Variants in PTGES3 observed in about 807,000 individuals in gnomAD.
PTGES3 encodes the protein prostaglandin E synthase 3.
In PTGES3, 5 loss-of-function variants were observed where a neutral mutation model predicts 29.9. That is an observed-to-expected ratio of 0.17 (90% CI 0.09 to 0.35). PTGES3 has a LOEUF of 0.35. PTGES3 is among the 10% of genes least tolerant of loss of function. PTGES3 has a pLI of 1.00. For synonymous variants in PTGES3, 49 were observed against 57.8 expected, an observed-to-expected ratio of 0.85 and a Z score of 0.69; for missense variants, 128 against 190.0, an observed-to-expected ratio of 0.67 and a Z score of 1.92.
intron 1 of PTGES3, among the ~76,000 whole-genome samples, chr12:56,676,828 C>T (rs1952272190): frequency 7.6e-6 from 1 of 131,670 alleles, no homozygotes; most frequent in Non-Finnish European, 1.5e-5. Flanking sequence ...GAGGCTGAAG[C>T]ACAAGAATCC....
chr12:56,683,627 G>A (rs926819908), intron 1 of PTGES3, among the ~76,000 whole-genome samples: 15 of 151,704 alleles, frequency 9.9e-5, no homozygotes, highest in Non-Finnish European at 1.9e-4. Context: ...TCCAGCCTGG[G>A]CGACAGAGCC....
rs57371154 is a variant in PTGES3 at position 56,673,789 on chromosome 12, CAAAAAAA to C, written c.3-731_3-725del. Among the ~76,000 whole-genome samples, 5 of 92,344 alleles carry C rather than the reference CAAAAAAA, an allele frequency of 5.4e-5. 1 individual carries two copies. The highest frequency in any genetic ancestry group is 1.6e-4 in the African/African-American group (4 of 24,510). 60.6% of individuals were successfully genotyped at this position (92,344 alleles called of 152,430 possible). A position where few individuals can be genotyped will look rare whatever the true frequency, so the allele number is the denominator to read the frequency against. On this transcript the variant is annotated intron_variant, in intron 1 of 7. Coordinates refer to ENST00000262033, the MANE Select transcript of PTGES3 (RefSeq NM_006601.7). ...GCCTGGCAACAGAGCGAGACTGTCT[CAAAAAAA>C]AAAAAAAAAAAAAAAAATTAGCTGG...
intron 5 of PTGES3, 69 bp downstream of exon 5, chr12:56,670,206 T>C (rs1951949853): frequency 9.3e-7 from 1 of 1,070,440 alleles, no homozygotes; most frequent in Non-Finnish European, 1.4e-6. Context: ...CCCAAAACCA[T>C]ATTAAATTGA....
Position 56,670,318 on chromosome 12 carries a change from T to A in PTGES3, c.332A>T (p.Asp111Val). ...ATTAGACATGTCTTCATCTGAATCA[T>A]CTTCCCAGTCTTTCCAATTATTGAA... ...VDFNNWKDWE[D>V]DSDEDMSNFD... The change falls in exon 5 of 8, where the codon GAT becomes GTT. Residue 111 changes from aspartate (D) to valine (V), a missense_variant. By Grantham distance (152) the Asp-to-Val change is radical (BLOSUM62 -3). Coordinates refer to ENST00000262033, the MANE Select transcript of PTGES3 (RefSeq NM_006601.7). 6.2e-7 allele frequency: 1 copy of A among 1,613,718 alleles called. No individual in the cohort carries two copies. Among genetic ancestry groups the A allele is most frequent in the Non-Finnish European group, 8.5e-7 (1 of 1,179,614 alleles).
intron 4 of PTGES3, among the ~76,000 whole-genome samples, chr12:56,670,909 C>T (rs1220560487): frequency 6.6e-6 from 1 of 152,148 alleles, no homozygotes; most frequent in African/African-American, 2.4e-5. Flanking sequence ...GAGTTCGAGA[C>T]AGCCTGAGCA....
At chr12:56,683,182 T>C (rs922617497) in intron 1 of PTGES3, among the ~76,000 whole-genome samples, 2 of 151,352 alleles carry the variant, frequency 1.3e-5, no homozygotes, top group Non-Finnish European at 2.9e-5. Context: ...ACCCCATCGC[T>C]ACTAAAAATA....
chr12:56,681,500 T>C (rs938664318), intron 1 of PTGES3, among the ~76,000 whole-genome samples: 3 of 122,454 alleles, frequency 2.4e-5, no homozygotes, highest in African/African-American at 9.7e-5. Context: ...ATCACGCCAC[T>C]GCACTCCAGC....
intron 6 of PTGES3, chr12:56,665,906 C>T (rs1288726038): frequency 5.0e-6 from 5 of 996,974 alleles, no homozygotes; most frequent in Non-Finnish European, 6.0e-6. Context: ...CAGACATGAG[C>T]CACCTCGCCC....
At chr12:56,667,406 G>A (rs1951830103) in intron 5 of PTGES3, among the ~76,000 whole-genome samples, 1 of 152,118 alleles carries the variant, frequency 6.6e-6, no homozygotes, top group African/African-American at 2.4e-5. Context: ...TGATTACCCA[G>A]ATTTTAGAAT....
At chr12:56,683,500 A>G (rs1480888068) in intron 1 of PTGES3, among the ~76,000 whole-genome samples, 2 of 145,086 alleles carry the variant, frequency 1.4e-5, no homozygotes, top group East Asian at 2.0e-4. Context: ...AAAAAAAAAA[A>G]ATTAGCCAGG....
chr12:56,682,057 G>C (rs1203893263), intron 1 of PTGES3, among the ~76,000 whole-genome samples: 1 of 152,012 alleles, frequency 6.6e-6, no homozygotes, highest in African/African-American at 2.4e-5. Flanking sequence ...ATGTTGGCCA[G>C]GCTAGTCTGG....
intron 1 of PTGES3, among the ~76,000 whole-genome samples, chr12:56,673,481 T>A (rs1174975122): frequency 1.8e-4 from 3 of 16,348 alleles, no homozygotes; most frequent in African/African-American, 4.9e-4. Flanking sequence ...CAAATACAAA[T>A]ACGGAAAAAA....
intron 5 of PTGES3, among the ~76,000 whole-genome samples, chr12:56,669,656 G>C (rs1217335072): frequency 6.6e-6 from 1 of 151,976 alleles, no homozygotes; most frequent in East Asian, 1.9e-4. Context: ...TCTTTCGCCA[G>C]GCTGGAGTCC....
intron 1 of PTGES3, among the ~76,000 whole-genome samples, chr12:56,682,725 A>AAAAAAAAG (rs1952607271): frequency 6.7e-6 from 1 of 150,160 alleles, no homozygotes; most frequent in Admixed American, 6.6e-5. Flanking sequence ...TTAAAAGAAA[A>AAAAAAAAG]AAAAAAAAAA....
At chr12:56,682,721 G>GAA (rs754040277) in intron 1 of PTGES3, among the ~76,000 whole-genome samples, 3,019 of 114,274 alleles carry the variant, frequency 0.026, 105 homozygotes, top group Admixed American at 0.04. Context: ...CCATTTAAAA[G>GAA]AAAAAAAAAA....
intron 1 of PTGES3, among the ~76,000 whole-genome samples, chr12:56,675,297 C>G (rs1410234362): frequency 6.7e-6 from 1 of 149,998 alleles, no homozygotes; most frequent in South Asian, 2.1e-4. Flanking sequence ...AAGACTCTGT[C>G]TCAAAAAAGA....
Position 56,673,484 on chromosome 12 carries a change from GGAAAAAAAAA to G in PTGES3, c.3-429_3-420del, listed in dbSNP as rs1286239149. On this transcript the variant is annotated intron_variant, in intron 1 of 7. Coordinates refer to ENST00000262033, the MANE Select transcript of PTGES3 (RefSeq NM_006601.7). ...CCGACTCTACTACAAATACAAATAC[GGAAAAAAAAA>G]AAAAAAAAAAAAAAAAAAGCAGGGT... Among the ~76,000 whole-genome samples the G allele has an allele frequency of 2.7e-3, 98 of 36,846 alleles. 9 individuals are homozygous for G. In the South Asian group the frequency reaches 0.1, roughly 39 times the overall value. 24.2% of individuals were successfully genotyped at this position (36,846 alleles called of 152,430 possible).
intron 1 of PTGES3, among the ~76,000 whole-genome samples, chr12:56,682,194 T>C (rs1313100208): frequency 6.6e-6 from 1 of 152,120 alleles, no homozygotes; most frequent in Non-Finnish European, 1.5e-5. Context: ...AATGAGCACC[T>C]GAGGCACAGA....
At chr12:56,685,252 T>C (rs925928138) in intron 1 of PTGES3, among the ~76,000 whole-genome samples, 3 of 152,186 alleles carry the variant, frequency 2.0e-5, no homozygotes, top group Admixed American at 6.6e-5. Flanking sequence ...TTTAGCTTGT[T>C]AAGAGTCCCT....
Sources: gnomAD v4.1 joint callset for allele counts (sites outside exome capture counted in the v4.1 genomes callset) on GRCh38, gnomAD v4.1.1 for gene constraint, MANE v1.5 for transcripts, NCBI Gene and HGNC (gene_info 2026-07-23, HGNC 2026-07-21) for gene names.